The following DPP10 variants were observed in gnomAD, a reference collection of about 807,000 sequenced individuals.
DPP10 encodes the protein inactive dipeptidyl peptidase 10.
In DPP10, 33 loss-of-function variants were observed where a neutral mutation model predicts 120.9. That is an observed-to-expected ratio of 0.27 (90% CI 0.21 to 0.37). DPP10 has a LOEUF of 0.37. DPP10 is among the 10% of genes least tolerant of loss of function. The pLI is 1.00. For synonymous variants in DPP10, 337 were observed against 326.1 expected, an observed-to-expected ratio of 1.03 and a Z score of -0.36; for missense variants, 816 against 942.8, an observed-to-expected ratio of 0.87 and a Z score of 1.76.
At chr2:114,797,535 T>C (rs1332041874) in intron 1 of DPP10, among the ~76,000 whole-genome samples, 2 of 151,972 alleles carry the variant, frequency 1.3e-5, no homozygotes, top group Non-Finnish European at 2.9e-5. Flanking sequence ...AATAAGTAAA[T>C]AGGTGAGGAT....
chr2:115,326,181 C>A (rs1056783864), intron 2 of DPP10, among the ~76,000 whole-genome samples: 2 of 152,040 alleles, frequency 1.3e-5, no homozygotes, highest in African/African-American at 4.8e-5. Flanking sequence ...ATTATACAGC[C>A]ATGCACATTA....
At chr2:115,426,340 C>T (rs1249614422) in intron 3 of DPP10, among the ~76,000 whole-genome samples, 4 of 92,950 alleles carry the variant, frequency 4.3e-5, no homozygotes, top group Admixed American at 1.2e-4. Context: ...GTGCCACCTC[C>T]GACGCTGGAG....
chr2:115,670,763 G>T (rs2089811518), intron 5 of DPP10, among the ~76,000 whole-genome samples: 1 of 151,960 alleles, frequency 6.6e-6, no homozygotes, highest in Non-Finnish European at 1.5e-5. Flanking sequence ...CAATTCATGG[G>T]GAAGATAATA....
chr2:115,380,190 T>G (rs1199141971), intron 3 of DPP10, among the ~76,000 whole-genome samples: 1 of 152,168 alleles, frequency 6.6e-6, no homozygotes, highest in Admixed American at 6.5e-5. Flanking sequence ...GGAGTCTAAG[T>G]CTCTTTGTAG....
At chr2:114,898,251 A>G (rs551748980) in intron 1 of DPP10, among the ~76,000 whole-genome samples, 2 of 152,114 alleles carry the variant, frequency 1.3e-5, no homozygotes, top group Non-Finnish European at 2.9e-5. Context: ...CGCAAGGACA[A>G]AAAACCAAAC....
intron 3 of DPP10, among the ~76,000 whole-genome samples, chr2:115,379,876 T>C (rs2066158037): frequency 6.6e-6 from 1 of 152,212 alleles, no homozygotes; most frequent in Non-Finnish European, 1.5e-5. Context: ...AGTGAGATTC[T>C]TAATCCTGAG....
intron 1 of DPP10, among the ~76,000 whole-genome samples, chr2:114,794,080 C>T (rs1233138198): frequency 6.6e-6 from 1 of 151,944 alleles, no homozygotes; most frequent in Non-Finnish European, 1.5e-5. Flanking sequence ...CTTTTTTTTA[C>T]CTGATAGCCA....
chr2:115,486,378 C>A lies in DPP10; in HGVS notation c.272-13132C>A, dbSNP rs376484910. ...GATGTTGGAGATTAAACATGTTTGT[C>A]AATTGGACAATGTCAACAATGCAGT... On this transcript the variant is annotated intron_variant, in intron 3 of 25. Coordinates refer to ENST00000410059, the MANE Select transcript of DPP10 (RefSeq NM_020868.6). 3.0e-4 allele frequency among the ~76,000 whole-genome samples: 46 copies of A among 152,240 alleles called. 1 individual carries two copies. The highest frequency in any genetic ancestry group is 1.0e-3 in the African/African-American group (42 of 41,568).
intron 1 of DPP10, among the ~76,000 whole-genome samples, chr2:114,538,215 C>T (rs1686669963): frequency 6.6e-6 from 1 of 152,168 alleles, no homozygotes; most frequent in Non-Finnish European, 1.5e-5. Context: ...GACGGTGTGT[C>T]TACTGACCTG....
intron 1 of DPP10, among the ~76,000 whole-genome samples, chr2:114,467,037 C>CAA (rs35956526): frequency 0.026 from 3,612 of 136,578 alleles, 77 homozygotes; most frequent in African/African-American, 0.069. Flanking sequence ...ACTCCATATC[C>CAA]AAAAAAAAAA....
At chr2:114,511,754 A>G (rs529634188) in intron 1 of DPP10, among the ~76,000 whole-genome samples, 1 of 152,330 alleles carries the variant, frequency 6.6e-6, no homozygotes, top group Admixed American at 6.5e-5. Context: ...CCCAAACCTT[A>G]CAATAGCTCA....
chr2:115,807,492 T>A (rs1406881879), intron 19 of DPP10, among the ~76,000 whole-genome samples: 2 of 152,182 alleles, frequency 1.3e-5, no homozygotes, highest in Admixed American at 6.5e-5. Flanking sequence ...GTAACTGCAG[T>A]TAAACAACTG....
At chr2:114,747,214 T>C (rs1020992598) in intron 1 of DPP10, among the ~76,000 whole-genome samples, 2 of 152,184 alleles carry the variant, frequency 1.3e-5, no homozygotes, top group African/African-American at 2.4e-5. Flanking sequence ...CACAGTATTA[T>C]TCCTTTAGGA....
chr2:115,535,961 T>A (rs921980411), intron 5 of DPP10, among the ~76,000 whole-genome samples: 1 of 151,998 alleles, frequency 6.6e-6, no homozygotes, highest in African/African-American at 2.4e-5. Context: ...GCACATTGAT[T>A]TTGTATCCTG....
At chr2:115,539,476 G>T (rs924303288) in intron 5 of DPP10, among the ~76,000 whole-genome samples, 2 of 151,856 alleles carry the variant, frequency 1.3e-5, no homozygotes, top group African/African-American at 4.8e-5. Context: ...GTAGATAATT[G>T]TCCATCACAG....
chr2:114,898,204 T>G (rs2106634289), intron 1 of DPP10, among the ~76,000 whole-genome samples: 1 of 152,296 alleles, frequency 6.6e-6, no homozygotes, highest in South Asian at 2.1e-4. Context: ...TGTAGGGACA[T>G]GGATGAAATT....
intron 19 of DPP10, among the ~76,000 whole-genome samples, chr2:115,804,635 G>T (rs1298242886): frequency 1.3e-5 from 2 of 152,162 alleles, no homozygotes; most frequent in African/African-American, 4.8e-5. Flanking sequence ...CTGTTTGTTA[G>T]TTTTCCTTCT....
At chr2:114,512,415 G>C (rs967848124) in intron 1 of DPP10, among the ~76,000 whole-genome samples, 1 of 152,132 alleles carries the variant, frequency 6.6e-6, no homozygotes, top group Non-Finnish European at 1.5e-5. Context: ...TCACAAACTT[G>C]GTGATATAGA....
At chr2:115,231,952 TGA>T (rs1425851540) in intron 1 of DPP10, among the ~76,000 whole-genome samples, 1 of 152,156 alleles carries the variant, frequency 6.6e-6, no homozygotes, top group African/African-American at 2.4e-5. Context: ...CTTTTGTGGG[TGA>T]GTTTTATGCC....
Sources: gnomAD v4.1 joint callset for allele counts (sites outside exome capture counted in the v4.1 genomes callset) on GRCh38, gnomAD v4.1.1 for gene constraint, MANE v1.5 for transcripts, NCBI Gene and HGNC (gene_info 2026-07-23, HGNC 2026-07-21) for gene names.